The following ATG10 variants were observed in gnomAD, a reference collection of about 807,000 sequenced individuals.
The protein encoded by ATG10 is ubiquitin-like-conjugating enzyme ATG10.
A neutral mutation model predicts 32.1 loss-of-function variants in ATG10; 30 were observed. The observed-to-expected ratio is 0.94, with a 90% confidence interval of 0.70 to 1.27. The LOEUF (loss-of-function observed/expected upper bound fraction) is 1.27. Among genes scored for constraint, ATG10 ranks in the 50% most tolerant of loss-of-function variants. ATG10 has a pLI of 0.00. For missense variants in ATG10, 233 were observed against 262.3 expected (o/e 0.89, Z 0.77); for synonymous variants, 87 against 91.5 (o/e 0.95, Z 0.28).
At chr5:82,171,482 A>G (rs1212887277) in intron 4 of ATG10, among the ~76,000 whole-genome samples, 1 of 152,224 alleles carries the variant, frequency 6.6e-6, no homozygotes, top group Non-Finnish European at 1.5e-5. Context: ...TAATTTGATA[A>G]GCAGGAAAAG....
intron 2 of ATG10, among the ~76,000 whole-genome samples, chr5:82,003,194 T>TA (rs1761896852): frequency 6.6e-6 from 1 of 152,200 alleles, no homozygotes; most frequent in Non-Finnish European, 1.5e-5. Flanking sequence ...CAATGTAAGA[T>TA]AAAAGTGATT....
chr5:82,013,818 T>C (rs998734338), intron 2 of ATG10, among the ~76,000 whole-genome samples: 1 of 152,220 alleles, frequency 6.6e-6, no homozygotes, highest in Non-Finnish European at 1.5e-5. Context: ...GAGAATTGTC[T>C]ATTCATGTCC....
chr5:82,146,093 C>T (rs1419795231), intron 3 of ATG10, among the ~76,000 whole-genome samples: 1 of 152,150 alleles, frequency 6.6e-6, no homozygotes, highest in Admixed American at 6.5e-5. Flanking sequence ...GCTATTATTT[C>T]TCTTCAGCTT....
At chr5:82,139,821 C>G in intron 3 of ATG10, among the ~76,000 whole-genome samples, 1 of 139,388 alleles carries the variant, frequency 7.2e-6, no homozygotes, top group South Asian at 2.4e-4. Context: ...CGGCCAGCCA[C>G]CCCATCCGGG....
In ATG10 at chr5:82,253,420, C is replaced by G. The variant is rs1384743916; in HGVS notation, c.658C>G (p.Pro220Ala). 1 of 1,576,298 alleles carries G rather than the reference C, an allele frequency of 6.3e-7. No homozygotes were observed. The highest frequency in any genetic ancestry group is 2.2e-5 in the East Asian group (1 of 44,526). ...KATSQDERNVP is the reference protein window; with the variant it reads ...KATSQDERNVA ...AACGTCTCAGGATGAACGAAATGTC[C>G]CTTAACAAGGTAAAAGAAAAGCCTG... is the stretch of plus-strand genomic sequence containing the variant. Residue 220 changes from proline to alanine, a missense_variant, in exon 7 of 8, where the codon CCT becomes GCT. Physicochemically the swap from Pro to Ala is conservative, Grantham distance 27. Transcript: ENST00000282185.
chr5:82,007,227 G>T (rs1561251357), intron 2 of ATG10, among the ~76,000 whole-genome samples: 1 of 152,174 alleles, frequency 6.6e-6, no homozygotes, highest in Non-Finnish European at 1.5e-5. Context: ...GCTAAAGAGA[G>T]AATTTGGAGT....
At chr5:82,014,316 G>A (rs1310260371) in intron 2 of ATG10, among the ~76,000 whole-genome samples, 6 of 152,184 alleles carry the variant, frequency 3.9e-5, no homozygotes, top group Non-Finnish European at 4.4e-5. Flanking sequence ...TTGATTTGGG[G>A]TGGAGAGTTC....
intron 5 of ATG10, among the ~76,000 whole-genome samples, chr5:82,179,302 A>T (rs1352735874): frequency 6.6e-6 from 1 of 152,146 alleles, no homozygotes; most frequent in Non-Finnish European, 1.5e-5. Flanking sequence ...TTCATTGTAC[A>T]TGCAGCACCA....
At chr5:82,235,865 T>C (rs1322199006) in intron 5 of ATG10, among the ~76,000 whole-genome samples, 4 of 152,260 alleles carry the variant, frequency 2.6e-5, no homozygotes, top group Non-Finnish European at 5.9e-5. Flanking sequence ...ATCTCATCAA[T>C]ATACAAAATC....
chr5:82,239,808 G>C (rs1196435116), intron 5 of ATG10, among the ~76,000 whole-genome samples: 1 of 151,902 alleles, frequency 6.6e-6, no homozygotes, highest in Non-Finnish European at 1.5e-5. Context: ...AGGAACTCAA[G>C]CCAATACCAA....
In ATG10 at chr5:82,256,128, G is replaced by A. The variant is rs534617924; in HGVS notation, c.*2065G>A. The A allele has an allele frequency of 5.3e-5, 8 of 152,250 alleles. No homozygotes were observed. The highest frequency in any genetic ancestry group is 1.4e-4 in the African/African-American group (6 of 41,550). 9.4% of individuals were successfully genotyped at this position (152,250 alleles called of 1,614,324 possible). A position where few individuals can be genotyped will look rare whatever the true frequency, so the allele number is the denominator to read the frequency against. On this transcript the variant is annotated 3_prime_UTR_variant, in exon 8 of 8. Transcript: ENST00000282185. Reference sequence around the variant, plus strand: ...CTAGTGTAAAATAAATTATAATAATGTGTCATCTGAATGGTGTTCTTGTCT... The same window carrying A: ...CTAGTGTAAAATAAATTATAATAATATGTCATCTGAATGGTGTTCTTGTCT...
chr5:82,141,699 T>A (rs1297201422), intron 3 of ATG10, among the ~76,000 whole-genome samples: 1 of 152,170 alleles, frequency 6.6e-6, no homozygotes, highest in Non-Finnish European at 1.5e-5. Context: ...ATACGTAGGA[T>A]TTAGGAATTT....
chr5:82,181,287 T>C (rs987638933), intron 5 of ATG10, among the ~76,000 whole-genome samples: 1 of 152,158 alleles, frequency 6.6e-6, no homozygotes, highest in Admixed American at 6.6e-5. Flanking sequence ...TAACAATGTT[T>C]ATTTAAGCTT....
chr5:82,055,672 T>C (rs1763570513), intron 2 of ATG10, among the ~76,000 whole-genome samples: 2 of 152,200 alleles, frequency 1.3e-5, no homozygotes, highest in African/African-American at 2.4e-5. Flanking sequence ...TTTATCTCTA[T>C]GGCTAGATCA....
chr5:82,248,931 A>C (rs1292385694), intron 5 of ATG10, among the ~76,000 whole-genome samples: 1 of 151,882 alleles, frequency 6.6e-6, no homozygotes, highest in African/African-American at 2.4e-5. Flanking sequence ...AGGTCTCAGT[A>C]TAGTAAAGGA....
At chr5:82,244,534 A>AGG (rs1307682203) in intron 5 of ATG10, among the ~76,000 whole-genome samples, 17 of 152,100 alleles carry the variant, frequency 1.1e-4, no homozygotes, top group Admixed American at 5.2e-4. Context: ...CCCCTGCTTG[A>AGG]GGGGTTAGCA....
At chr5:82,229,330 A>G (rs1746256058) in intron 5 of ATG10, among the ~76,000 whole-genome samples, 1 of 152,168 alleles carries the variant, frequency 6.6e-6, no homozygotes, top group Non-Finnish European at 1.5e-5. Context: ...GAAAGGAACT[A>G]TTTTCTACTT....
chr5:82,139,259 A>T (rs1164561818), intron 3 of ATG10, among the ~76,000 whole-genome samples: 7 of 148,022 alleles, frequency 4.7e-5, no homozygotes, highest in Admixed American at 4.6e-4. Context: ...CTGCCGGGCC[A>T]CCACCCCGTC....
intron 3 of ATG10, among the ~76,000 whole-genome samples, chr5:82,123,665 T>TAA (rs2149831080): frequency 6.7e-6 from 1 of 149,332 alleles, no homozygotes; most frequent in South Asian, 2.1e-4. Context: ...CATGGTGGCT[T>TAA]ACGCCTGTAA....
Sources: gnomAD v4.1 joint callset for allele counts (sites outside exome capture counted in the v4.1 genomes callset) on GRCh38, gnomAD v4.1.1 for gene constraint, MANE v1.5 for transcripts, NCBI Gene and HGNC (gene_info 2026-07-23, HGNC 2026-07-21) for gene names.